Variants in ELFN1 observed in about 807,000 individuals in gnomAD.
The protein encoded by ELFN1 is extracellular leucine rich repeat and fibronectin type III domain containing 1, also known as protein ELFN1.
A neutral mutation model predicts 7.6 loss-of-function variants in ELFN1; 6 were observed. The ratio of observed to expected loss-of-function variants is 0.79; its 90% CI spans 0.43 to 1.56. The LOEUF (loss-of-function observed/expected upper bound fraction) is 1.56. Ranked by LOEUF, ELFN1 falls within the 40% of genes most tolerant of loss-of-function variation. The pLI is 0.01. For missense variants in ELFN1, 1,169 were observed against 1,232.2 expected (o/e 0.95, Z 0.77); for synonymous variants, 657 against 588.1 (o/e 1.12, Z -1.70).
chr7:1,670,121 G>A (rs1778733433), upstream of ELFN1, among the ~76,000 whole-genome samples: 1 of 148,744 alleles, frequency 6.7e-6, no homozygotes, highest in Admixed American at 6.7e-5. The surrounding 1 kb of genome is among the most constrained non-coding windows in gnomAD (Gnocchi z 6.4). Flanking sequence ...AAGGGAGCGC[G>A]CAGGCGGGCG....
At chr7:1,719,372 C>G (rs1366727862) in intron 3 of ELFN1, among the ~76,000 whole-genome samples, 2 of 149,250 alleles carry the variant, frequency 1.3e-5, no homozygotes, top group Middle Eastern at 3.3e-3. Flanking sequence ...CCAACAGGAC[C>G]CAAGCCACCA....
chr7:1,729,213 C>T (rs1780272576), intron 3 of ELFN1, among the ~76,000 whole-genome samples: 1 of 152,212 alleles, frequency 6.6e-6, no homozygotes, highest in Non-Finnish European at 1.5e-5. Context: ...GGAACGTGAG[C>T]TTGGAGGAGG....
At chr7:1,715,282 C>T (rs1779795013) in intron 3 of ELFN1, among the ~76,000 whole-genome samples, 1 of 152,202 alleles carries the variant, frequency 6.6e-6, no homozygotes, top group Non-Finnish European at 1.5e-5. Flanking sequence ...CACAAGGCTG[C>T]ATGCTGGCAT....
rs1368162860 is a variant in ELFN1, at chr7:1,673,212, G to A, written c.-549+2858G>A. ...TGGTGGTGGAGCCACTGCAGTGGACGATGGCGCCATCCATTCCAGCACCAG... is the reference window on the plus strand; with the variant it reads ...TGGTGGTGGAGCCACTGCAGTGGACAATGGCGCCATCCATTCCAGCACCAG... On this transcript the variant is annotated intron_variant, in intron 1 of 3. Transcript: ENST00000424383. This position sits in a 1 kb window ranked among gnomAD's most constrained non-coding sequence, Gnocchi z 4.7. Among the ~76,000 whole-genome samples, 1 of 152,174 alleles carries A rather than the reference G, an allele frequency of 6.6e-6. No homozygotes were observed. The highest frequency in any genetic ancestry group is 1.5e-5 in the Non-Finnish European group (1 of 68,012).
Position 1,747,088 on chromosome 7 carries a change from C to T in ELFN1, c.*5C>T, listed in dbSNP as rs372692511. 1.4e-4 allele frequency: 206 copies of T among 1,471,686 alleles called. No individual in the cohort carries two copies. The highest frequency in any genetic ancestry group is 1.8e-4 in the Non-Finnish European group (204 of 1,104,198). 91.2% of individuals were successfully genotyped at this position (1,471,686 alleles called of 1,614,324 possible). A position where few individuals can be genotyped will look rare whatever the true frequency, so the allele number is the denominator to read the frequency against. ...TCGGCCCAGCACAAGTCCTGAGCCC[C>T]CCAAGACCGGCGATGCCCACTGGAC... On this transcript the variant is annotated 3_prime_UTR_variant, in exon 4 of 4. Transcript: ENST00000424383.
chr7:1,697,013 A>G (rs1188599909), intron 2 of ELFN1, among the ~76,000 whole-genome samples: 1 of 152,136 alleles, frequency 6.6e-6, no homozygotes, highest in African/African-American at 2.4e-5. Context: ...TTCTCAGAGG[A>G]GGTGACTCGC....
chr7:1,711,009 CA>C (rs1204755976), intron 3 of ELFN1, among the ~76,000 whole-genome samples: 1 of 152,216 alleles, frequency 6.6e-6, no homozygotes, highest in Non-Finnish European at 1.5e-5. Flanking sequence ...TTCCCTGCGG[CA>C]CAGTGGGCTG....
Position 1,747,641 on chromosome 7 carries a change from G to T in ELFN1, c.*558G>T. ...GCCGCCTCCGGAGTCCACTGCAGAG[G>T]GGCAGAGTGAATGCCGGCGGCCAAG... On this transcript the variant is annotated 3_prime_UTR_variant, in exon 4 of 4. Coordinates refer to ENST00000424383, the MANE Select transcript of ELFN1 (RefSeq NM_001128636.4). The T allele has an allele frequency of 6.1e-6, 1 of 165,282 alleles. No individual in the cohort carries two copies. The allele number at this position is 165,282 out of a possible 1,614,324, so 10.2% of individuals were successfully genotyped here. A position where few individuals can be genotyped will look rare whatever the true frequency, so the allele number is the denominator to read the frequency against.
At chr7:1,704,961 T>G (rs1562367103) in intron 2 of ELFN1, among the ~76,000 whole-genome samples, 1 of 151,658 alleles carries the variant, frequency 6.6e-6, no homozygotes. Context: ...ACGGGGACAG[T>G]GAGGATGGGC....
At chr7:1,700,407 G>T (rs949837400) in intron 2 of ELFN1, among the ~76,000 whole-genome samples, 1 of 152,206 alleles carries the variant, frequency 6.6e-6, no homozygotes, top group East Asian at 1.9e-4. Context: ...CTGGACAATT[G>T]ATTCTGGATT....
At chr7:1,685,764 T>A (rs961259967) in intron 1 of ELFN1, among the ~76,000 whole-genome samples, 9 of 149,552 alleles carry the variant, frequency 6.0e-5, no homozygotes, top group African/African-American at 2.2e-4. Flanking sequence ...TATTATATAA[T>A]ATATAAACCG....
At chr7:1,670,006 G>C (rs538981442), upstream of ELFN1, among the ~76,000 whole-genome samples, 2 of 151,532 alleles carry the variant, frequency 1.3e-5, no homozygotes, top group South Asian at 4.2e-4. This position sits in a 1 kb window ranked among gnomAD's most constrained non-coding sequence, Gnocchi z 6.4. Context: ...GGAAGGAGCG[G>C]GTTGCCGCGG....
intron 3 of ELFN1, among the ~76,000 whole-genome samples, chr7:1,743,314 CG>C (rs1269609473): frequency 6.6e-6 from 1 of 152,190 alleles, no homozygotes; most frequent in Admixed American, 6.5e-5. Flanking sequence ...CAGAGGACCC[CG>C]TATGGTGGTG....
upstream of ELFN1, among the ~76,000 whole-genome samples, chr7:1,669,685 G>T (rs888480383): frequency 7.9e-5 from 12 of 152,238 alleles, no homozygotes; most frequent in Non-Finnish European, 1.8e-4. Context: ...ATGAAGGAAG[G>T]AAGCGGGGCC....
In ELFN1 at chr7:1,695,979, G is replaced by A. The variant is rs1000265957; in HGVS notation, c.-456+7829G>A. On this transcript the variant is annotated intron_variant, in intron 2 of 3. Coordinates refer to ENST00000424383, the MANE Select transcript of ELFN1 (RefSeq NM_001128636.4). The surrounding 1 kb of genome is among the most constrained non-coding windows in gnomAD (Gnocchi z 5.1). ...AGTGAGCAGGGCAGACCTGACTCCT[G>A]CCTGCCTTTGTCGGCCCCGGCTCTC... is the stretch of plus-strand genomic sequence containing the variant. 6.6e-6 allele frequency among the ~76,000 whole-genome samples: 1 copy of A among 152,156 alleles called. No individual in the cohort carries two copies. The highest frequency in any genetic ancestry group is 1.5e-5 in the Non-Finnish European group (1 of 68,042).
chr7:1,681,021 C>T (rs766251060), intron 1 of ELFN1, among the ~76,000 whole-genome samples: 8 of 152,288 alleles, frequency 5.3e-5, no homozygotes, highest in African/African-American at 9.6e-5. Context: ...GGATTACAGG[C>T]GTGAGCCACT....
At chr7:1,689,440 C>T (rs1005222227) in intron 2 of ELFN1, among the ~76,000 whole-genome samples, 1 of 152,190 alleles carries the variant, frequency 6.6e-6, no homozygotes, top group African/African-American at 2.4e-5. Context: ...CCGGCTCAGT[C>T]CCCAAGCCAC....
chr7:1,702,417 C>T (rs149664068), intron 2 of ELFN1, among the ~76,000 whole-genome samples: 5 of 148,066 alleles, frequency 3.4e-5, no homozygotes, highest in East Asian at 1.9e-4. Flanking sequence ...AACGAGACTC[C>T]GTCGGGGGGG....
At position 1,746,710 on chromosome 7, in the gene ELFN1, A is replaced by C; in HGVS notation, c.2114A>C (p.His705Pro). 6.8e-7 allele frequency: 1 copy of C among 1,470,576 alleles called. No homozygotes were observed. Among genetic ancestry groups the C allele is most frequent in the Non-Finnish European group, 8.9e-7 (1 of 1,117,654 alleles). The allele number at this position is 1,470,576 out of a possible 1,614,324, so 91.1% of individuals were successfully genotyped here. Residue 705 changes from histidine to proline, a missense_variant, in exon 4 of 4, where the codon CAC (histidine) becomes CCC (proline). By Grantham distance (77) the His-to-Pro change is moderately conservative. Around this residue, in one of 2 missense-constraint regions of ELFN1, gnomAD observed 914 missense variants for 872.6 expected, o/e 1.05. Transcript: ENST00000424383. ...GGTCGCCAGTACGGCGAGCACCGGC[A>C]CTCGTACCCCGGCTCCCACCCGGCC... ...EKGRQYGEHRHSYPGSHPAEP... is the reference protein window; with the variant it reads ...EKGRQYGEHRPSYPGSHPAEP...
Sources: allele counts gnomAD v4.1 joint callset (sites outside exome capture counted in the v4.1 genomes callset), GRCh38; gene constraint gnomAD v4.1.1; regional missense constraint gnomAD v4.1.1; non-coding constraint Gnocchi (gnomAD v3.1); transcripts MANE v1.5; gene names NCBI Gene and HGNC (gene_info 2026-07-23, HGNC 2026-07-21).